The following PNKD variants were observed in gnomAD, a reference collection of about 807,000 sequenced individuals.
PNKD encodes the protein probable thioesterase PNKD.
In PNKD, 36 loss-of-function variants were observed where a neutral mutation model predicts 45.3. That is an observed-to-expected ratio of 0.80 (90% CI 0.61 to 1.05). The LOEUF is 1.05. Among genes scored for constraint, PNKD ranks in the 50% least tolerant of loss-of-function variants. The pLI is 0.00. For synonymous variants in PNKD, 197 were observed against 210.1 expected, an observed-to-expected ratio of 0.94 and a Z score of 0.54; for missense variants, 511 against 506.6, an observed-to-expected ratio of 1.01 and a Z score of -0.08.
rs1267153248 is a variant in PNKD, at chr2:218,326,198, G to A, written c.237-13585G>A. Among the ~76,000 whole-genome samples, 2 of 152,148 alleles carry A rather than the reference G, an allele frequency of 1.3e-5. No homozygotes were observed. Among genetic ancestry groups the A allele is most frequent in the African/African-American group, 4.8e-5 (2 of 41,418 alleles). ...TGGAAAGGCAATGATGGAAACACCA[G>A]GCTCACCGGGAGGAGAGCTGTTGAC... is the stretch of plus-strand genomic sequence containing the variant. On this transcript the variant is annotated intron_variant, in intron 2 of 9. Transcript: ENST00000273077. The surrounding 1 kb of genome is among the most constrained non-coding windows in gnomAD (Gnocchi z 4.1).
chr2:218,290,257 C>T (rs954239148), intron 2 of PNKD, among the ~76,000 whole-genome samples: 1 of 152,184 alleles, frequency 6.6e-6, no homozygotes, highest in South Asian at 2.1e-4. Context: ...AGTAAGCAAC[C>T]CTGTTCAGCT....
At chr2:218,309,867 G>C (rs140069496) in intron 2 of PNKD, among the ~76,000 whole-genome samples, 1 of 151,630 alleles carries the variant, frequency 6.6e-6, no homozygotes, top group Non-Finnish European at 1.5e-5. Context: ...CCTGGGAGGC[G>C]GAGGCTGCGG....
chr2:218,334,719 A>C (rs560936228), intron 2 of PNKD: 128 of 702,994 alleles, frequency 1.8e-4, no homozygotes, highest in Middle Eastern at 1.4e-3. Flanking sequence ...TCCTCAGTGC[A>C]TCATACCAAG....
At chr2:218,333,222 G>T (rs1042545943) in intron 2 of PNKD, among the ~76,000 whole-genome samples, 1 of 152,188 alleles carries the variant, frequency 6.6e-6, no homozygotes, top group African/African-American at 2.4e-5. Flanking sequence ...CTTCTGCCTT[G>T]TTTCTGCTGT....
At chr2:218,278,950 T>A in intron 2 of PNKD, 1 of 1,518,268 alleles carries the variant, frequency 6.6e-7, no homozygotes, top group Non-Finnish European at 9.0e-7. Context: ...AAAAGCATTT[T>A]GATCCTGCCC....
At chr2:218,312,012 A>G (rs949938887) in intron 2 of PNKD, among the ~76,000 whole-genome samples, 1 of 152,236 alleles carries the variant, frequency 6.6e-6, no homozygotes, top group African/African-American at 2.4e-5. Flanking sequence ...CTGCAAACAT[A>G]TTGTTAACAA....
intron 2 of PNKD, among the ~76,000 whole-genome samples, chr2:218,301,119 T>C (rs149691784): frequency 9.2e-4 from 140 of 152,330 alleles, no homozygotes; most frequent in African/African-American, 3.1e-3. Context: ...GGCTACTCCA[T>C]AGACAGAGCA....
At position 218,315,012 on chromosome 2, in the gene PNKD, T is replaced by TTCTC. The variant is rs1456479569; in HGVS notation, c.237-24770_237-24769insCTCT. ...CCTGAGGTTTTCTTTCTTTCTTTCTTTTTCTTTCTTTCTTTCTTTCTTTCT... is the reference window on the plus strand; with the variant it reads ...CCTGAGGTTTTCTTTCTTTCTTTCTTTCTCTTTCTTTCTTTCTTTCTTTCTTTCT... On this transcript the variant is annotated intron_variant, in intron 2 of 9. Coordinates refer to ENST00000273077, the MANE Select transcript of PNKD (RefSeq NM_015488.5). 0.014 allele frequency among the ~76,000 whole-genome samples: 57 copies of TTCTC among 4,056 alleles called. No individual in the cohort carries two copies. The South Asian group carries it at 0.25, about 18-fold the overall frequency. The allele number at this position is 4,056 out of a possible 152,430, so 2.7% of individuals were successfully genotyped here.
intron 2 of PNKD, among the ~76,000 whole-genome samples, chr2:218,299,775 C>T (rs1489429622): frequency 6.6e-6 from 1 of 152,106 alleles, no homozygotes; most frequent in Non-Finnish European, 1.5e-5. Flanking sequence ...GCACGTACCA[C>T]CACGCCAGGC....
Position 218,270,527 on chromosome 2 carries a change from G to T in PNKD, c.-9G>T. Reference sequence around the variant, plus strand: ...GGGGAGCGCGGTGAAGCGGGGGTGGGATCTGAACATGGCGGCGGTGGTAGC... The same window carrying T: ...GGGGAGCGCGGTGAAGCGGGGGTGGTATCTGAACATGGCGGCGGTGGTAGC... On this transcript the variant is annotated 5_prime_UTR_variant, in exon 1 of 10. Coordinates refer to ENST00000273077, the MANE Select transcript of PNKD (RefSeq NM_015488.5). The T allele has an allele frequency of 8.1e-7, 1 of 1,229,454 alleles. No individual in the cohort carries two copies. The highest frequency in any genetic ancestry group is 1.1e-6 in the Non-Finnish European group (1 of 940,196). The allele number at this position is 1,229,454 out of a possible 1,614,324, so 76.2% of individuals were successfully genotyped here.
chr2:218,344,930 C>T lies in PNKD; in HGVS notation c.1107C>T (p.Ala369=), dbSNP rs965003072. 1.2e-6 allele frequency: 2 copies of T among 1,613,882 alleles called. No homozygotes were observed. The highest frequency in any genetic ancestry group is 1.3e-5 in the African/African-American group (1 of 74,930). ...CTGGGGATGATGACTACTCCCGGGC[C>T]CAGCTCCTGGAAGAGCTCCGCCGGC... ...GPTGDDDYSR[A]QLLEELRRLK... The change falls in exon 10 of 10, where the codon GCC becomes GCT. Residue 369 remains alanine (A), a synonymous_variant. Transcript: ENST00000273077.
Position 218,329,513 on chromosome 2 carries a change from T to C in PNKD, c.237-10270T>C, listed in dbSNP as rs11896156. Among the ~76,000 whole-genome samples, 915 of 152,356 alleles carry C rather than the reference T, an allele frequency of 6.0e-3. 9 individuals carry two copies. The highest frequency in any genetic ancestry group is 0.02 in the African/African-American group (828 of 41,588). The stretch of plus-strand genomic sequence containing the variant: ...GAGAGGCCACCAGCTCTTACTGTGC[T>C]TCTGGTCCTAGCCAAGAGCCCTCAG... On this transcript the variant is annotated intron_variant, in intron 2 of 9. Coordinates refer to ENST00000273077, the MANE Select transcript of PNKD (RefSeq NM_015488.5).
chr2:218,277,886 G>C lies in PNKD; in HGVS notation c.236+6337G>C, dbSNP rs1309883024. The C allele has an allele frequency of 2.5e-6, 4 of 1,611,692 alleles. No homozygotes were observed. In the Admixed American group the frequency reaches 6.7e-5, roughly 27 times the overall value. ...GGTCCCCATCCCTTCCCTGGGAGCA[G>C]TCTCCCTCACAGCATCTCCACACCC... On this transcript the variant is annotated intron_variant, in intron 2 of 9. Transcript: ENST00000273077.
At chr2:218,331,530 G>GCA (rs1203800018) in intron 2 of PNKD, among the ~76,000 whole-genome samples, 1 of 152,008 alleles carries the variant, frequency 6.6e-6, no homozygotes, top group Non-Finnish European at 1.5e-5. Flanking sequence ...GAGCGCAGTG[G>GCA]CACAATCTTG....
intron 2 of PNKD, among the ~76,000 whole-genome samples, chr2:218,287,896 T>C (rs1692646033): frequency 6.6e-6 from 1 of 152,108 alleles, no homozygotes; most frequent in African/African-American, 2.4e-5. Context: ...TCCGCCACCC[T>C]TGTCTGGAGC....
Position 218,326,819 on chromosome 2 carries a change from T to G in PNKD, c.237-12964T>G, listed in dbSNP as rs1315480856. The G allele has an allele frequency of 1.3e-5, 2 of 152,222 alleles. No homozygotes were observed. The highest frequency in any genetic ancestry group is 6.5e-5 in the Admixed American group (1 of 15,272). The allele number at this position is 152,222 out of a possible 1,614,324, so 9.4% of individuals were successfully genotyped here. ...GGTAAGGACTGTGGGGTCCCAGATA[T>G]GAACAGGTTCTGATCGCTGTTCTGC... On this transcript the variant is annotated intron_variant, in intron 2 of 9. Coordinates refer to ENST00000273077, the MANE Select transcript of PNKD (RefSeq NM_015488.5). This position sits in a 1 kb window ranked among gnomAD's most constrained non-coding sequence, Gnocchi z 4.1.
intron 2 of PNKD, among the ~76,000 whole-genome samples, chr2:218,332,399 T>C (rs1469944409): frequency 6.6e-6 from 1 of 152,118 alleles, no homozygotes; most frequent in African/African-American, 2.4e-5. Context: ...GAGCTGACCA[T>C]GGGGACTGTC....
At chr2:218,324,997 CTTTTTTTTTTTTT>C (rs1167758595) in intron 2 of PNKD, among the ~76,000 whole-genome samples, 2 of 62,682 alleles carry the variant, frequency 3.2e-5, no homozygotes, top group Non-Finnish European at 2.7e-5. Context: ...AAATAATTTT[CTTTTTTTTTTTTT>C]TTTTTTTTTT....
rs769001811 is a variant in PNKD at position 218,318,950 on chromosome 2, C to CTTTTTTTTTTTTTTTTTTTTTTT, written c.237-20811_237-20810insTTTTTTTTTTTTTTTTTTTTTTT. Among the ~76,000 whole-genome samples the CTTTTTTTTTTTTTTTTTTTTTTT allele has an allele frequency of 3.0e-5, 3 of 99,900 alleles. 1 individual carries two copies. Among genetic ancestry groups the CTTTTTTTTTTTTTTTTTTTTTTT allele is most frequent in the African/African-American group, 9.4e-5 (2 of 21,304 alleles). 65.5% of individuals were successfully genotyped at this position (99,900 alleles called of 152,430 possible). ...GCACAAATCTTTTCTTTTTTTTTTT[C>CTTTTTTTTTTTTTTTTTTTTTTT]TTTTTTTTTTTTTTTTTTTTTTGAG... On this transcript the variant is annotated intron_variant, in intron 2 of 9. Coordinates refer to ENST00000273077, the MANE Select transcript of PNKD (RefSeq NM_015488.5).
Sources: allele counts gnomAD v4.1 joint callset (sites outside exome capture counted in the v4.1 genomes callset), GRCh38; gene constraint gnomAD v4.1.1; non-coding constraint Gnocchi (gnomAD v3.1); transcripts MANE v1.5; gene names NCBI Gene and HGNC (gene_info 2026-07-23, HGNC 2026-07-21).